The following TNNI3K variants were observed in gnomAD, a reference collection of about 807,000 sequenced individuals.
TNNI3K encodes the protein serine/threonine-protein kinase TNNI3K.
Under a neutral mutation model 114.5 loss-of-function variants are expected in TNNI3K, and 140 were observed. That is an observed-to-expected ratio of 1.22 (90% CI 1.07 to 1.41). The LOEUF is 1.41. Among genes scored for constraint, TNNI3K ranks in the 40% most tolerant of loss-of-function variants. TNNI3K has a pLI of 0.00. For missense variants in TNNI3K, 1,125 were observed against 1,007.6 expected, an observed-to-expected ratio of 1.12 and a Z score of -1.58; for synonymous variants, 347 against 347.5, an observed-to-expected ratio of 1.00 and a Z score of 0.02.
At chr1:74,389,926 G>A (rs1663677277) in intron 17 of TNNI3K, among the ~76,000 whole-genome samples, 1 of 152,136 alleles carries the variant, frequency 6.6e-6, no homozygotes. Context: ...TAATCATGGA[G>A]ATAAGAGAAA....
rs372715647 is a variant in TNNI3K, at chr1:74,253,020, A to G, written c.333+2251A>G. Reference sequence around the variant, plus strand: ...CGTTTTACAGAGAGCTGATTGGTCCATTTTGACAAGGTGCTGATTGGTGCA... The same window carrying G: ...CGTTTTACAGAGAGCTGATTGGTCCGTTTTGACAAGGTGCTGATTGGTGCA... On this transcript the variant is annotated intron_variant, in intron 4 of 24. Coordinates refer to ENST00000326637, the MANE Select transcript of TNNI3K (RefSeq NM_015978.3). Among the ~76,000 whole-genome samples the G allele has an allele frequency of 3.3e-4, 50 of 152,212 alleles. 1 individual carries two copies. The South Asian group carries it at 9.5e-3, about 29-fold the overall frequency.
intron 20 of TNNI3K, among the ~76,000 whole-genome samples, chr1:74,456,191 G>T (rs1667216220): frequency 6.6e-6 from 1 of 152,196 alleles, no homozygotes; most frequent in Non-Finnish European, 1.5e-5. Flanking sequence ...TTGGTTTAGG[G>T]AGATTTTAAT....
At chr1:74,437,082 C>G (rs1431672853) in intron 19 of TNNI3K, among the ~76,000 whole-genome samples, 1 of 152,010 alleles carries the variant, frequency 6.6e-6, no homozygotes, top group Non-Finnish European at 1.5e-5. Flanking sequence ...AAAAAGTAGA[C>G]TTCTCTTTCT....
Position 74,353,361 on chromosome 1 carries a change from G to C in TNNI3K, c.1027+1G>C, listed in dbSNP as rs1352657378. 6 of 1,613,070 alleles carry C rather than the reference G, an allele frequency of 3.7e-6. No homozygotes were observed. The African/African-American group carries it at 5.3e-5, about 14-fold the overall frequency. On this transcript the variant is annotated splice_donor_variant, in intron 10 of 24. Transcript: ENST00000326637. LOFTEE classifies it high-confidence loss of function. ...CACCAAGGAAGGGATGGGCACACTGGTAAGACTGTGGTGAAAACACCACTA... is the reference window on the plus strand; with the variant it reads ...CACCAAGGAAGGGATGGGCACACTGCTAAGACTGTGGTGAAAACACCACTA...
intron 20 of TNNI3K, among the ~76,000 whole-genome samples, chr1:74,457,691 T>C (rs1221045550): frequency 6.6e-6 from 1 of 152,220 alleles, no homozygotes; most frequent in African/African-American, 2.4e-5. Context: ...CTTTTTAATC[T>C]TTTTAATGTG....
In TNNI3K at chr1:74,271,622, C is replaced by T; in HGVS notation, c.358C>T (p.Leu120=). ...YKDNAELITS[L]LHSGADIQQV... ...GGATAATGCAGAATTGATCACTTCT[C>T]TGCTTCACAGTGGAGCTGATATACA... Residue 120 remains leucine (L), a synonymous_variant, in exon 5 of 25, where the codon CTG becomes TTG. Transcript: ENST00000326637. 1 of 1,607,472 alleles carries T rather than the reference C, an allele frequency of 6.2e-7. No homozygotes were observed. The highest frequency in any genetic ancestry group is 8.5e-7 in the Non-Finnish European group (1 of 1,176,290).
chr1:74,425,575 G>A (rs538314149), intron 17 of TNNI3K, among the ~76,000 whole-genome samples: 2 of 152,130 alleles, frequency 1.3e-5, no homozygotes, highest in East Asian at 1.9e-4. Flanking sequence ...CCAGTGTCAG[G>A]AATACATTTT....
chr1:74,281,471 T>C (rs1451000697), intron 5 of TNNI3K, among the ~76,000 whole-genome samples: 1 of 152,084 alleles, frequency 6.6e-6, no homozygotes, highest in Non-Finnish European at 1.5e-5. Flanking sequence ...TGTTATATAG[T>C]TGTAAAGAAA....
chr1:74,440,472 A>G (rs1043447601), intron 20 of TNNI3K, among the ~76,000 whole-genome samples: 1 of 152,152 alleles, frequency 6.6e-6, no homozygotes, highest in Admixed American at 6.5e-5. Flanking sequence ...TTACTTAAAC[A>G]TCCCTTTTAA....
chr1:74,436,150 G>T lies in TNNI3K; in HGVS notation c.1825+18G>T. ...TTTTGGAGGTGAGATACCCCAAAAT[G>T]GCATCCTTTTTTTCTTTGTTCCTAG... On this transcript the variant is annotated intron_variant, in intron 18 of 24. Coordinates refer to ENST00000326637, the MANE Select transcript of TNNI3K (RefSeq NM_015978.3). 1 of 1,610,480 alleles carries T rather than the reference G, an allele frequency of 6.2e-7. No homozygotes were observed. The highest frequency in any genetic ancestry group is 1.1e-5 in the South Asian group (1 of 90,858).
At chr1:74,461,374 G>A (rs1557580619) in intron 20 of TNNI3K, among the ~76,000 whole-genome samples, 1 of 151,894 alleles carries the variant, frequency 6.6e-6, no homozygotes. Context: ...CAGCTATTTG[G>A]GAGGCTGAGG....
intron 17 of TNNI3K, chr1:74,370,858 T>A (rs1185733378): frequency 6.6e-6 from 1 of 151,934 alleles, no homozygotes; most frequent in Non-Finnish European, 1.5e-5. Context: ...GTGAAACAAA[T>A]ATAAAATCAG....
At chr1:74,422,155 A>G (rs1296118604) in intron 17 of TNNI3K, among the ~76,000 whole-genome samples, 1 of 151,862 alleles carries the variant, frequency 6.6e-6, no homozygotes, top group African/African-American at 2.4e-5. Flanking sequence ...GGAGATTTCT[A>G]CCTAAGGTTA....
chr1:74,438,942 AG>A (rs1666255796), intron 19 of TNNI3K: 1 of 152,056 alleles, frequency 6.6e-6, no homozygotes, highest in Non-Finnish European at 1.5e-5. Context: ...GGAATATTCT[AG>A]GAACTCCTCG....
chr1:74,348,185 G>A (rs1208918853), intron 9 of TNNI3K, among the ~76,000 whole-genome samples: 2 of 152,166 alleles, frequency 1.3e-5, no homozygotes, highest in African/African-American at 2.4e-5. Context: ...TAAGGTGTAA[G>A]GAAGGGATCC....
chr1:74,369,193 TTAAACAATTG>T lies in TNNI3K; in HGVS notation c.1415-11_1415-2del, dbSNP rs1662455455. ...GTTAATATGTGTTTATTTATTTATTTTAAACAATTGTAGGTTCTTTTGGGAAAGTATATAA... is the reference window on the plus strand; with the variant it reads ...GTTAATATGTGTTTATTTATTTATTTTAGGTTCTTTTGGGAAAGTATATAA... On this transcript the variant is annotated splice_polypyrimidine_tract_variant and splice_region_variant and intron_variant, in intron 14 of 24. Coordinates refer to ENST00000326637, the MANE Select transcript of TNNI3K (RefSeq NM_015978.3). 1 of 1,606,410 alleles carries T rather than the reference TTAAACAATTG, an allele frequency of 6.2e-7. No homozygotes were observed. Among genetic ancestry groups the T allele is most frequent in the Non-Finnish European group, 8.5e-7 (1 of 1,177,162 alleles).
intron 4 of TNNI3K, among the ~76,000 whole-genome samples, chr1:74,260,235 C>T (rs1378516375): frequency 1.3e-5 from 2 of 152,132 alleles, no homozygotes; most frequent in Non-Finnish European, 2.9e-5. Context: ...AAATGTTGGT[C>T]TGTGAACTTT....
At chr1:74,518,524 G>T (rs17095503) in intron 23 of TNNI3K, among the ~76,000 whole-genome samples, 5,555 of 152,004 alleles carry the variant, frequency 0.037, 156 homozygotes, top group East Asian at 0.078. Context: ...TCTTTTTAGG[G>T]TGGCTCTATG....
chr1:74,259,317 T>C (rs1655525900), intron 4 of TNNI3K, among the ~76,000 whole-genome samples: 1 of 152,114 alleles, frequency 6.6e-6, no homozygotes, highest in South Asian at 2.1e-4. Context: ...CTATTCTGAG[T>C]CTAAAGGCCC....
Sources: allele counts gnomAD v4.1 joint callset (sites outside exome capture counted in the v4.1 genomes callset), GRCh38; gene constraint gnomAD v4.1.1; transcripts MANE v1.5; gene names NCBI Gene and HGNC (gene_info 2026-07-23, HGNC 2026-07-21).